RTN4: variants seen among roughly 807,000 people sequenced by gnomAD.
RTN4 encodes reticulon-4.
A neutral mutation model predicts 90.4 loss-of-function variants in RTN4; 32 were observed. That is an observed-to-expected ratio of 0.35 (90% confidence interval 0.27 to 0.48). The LOEUF (loss-of-function observed/expected upper bound fraction) is 0.48. RTN4 is among the 20% of genes least tolerant of loss of function. The probability of loss-of-function intolerance (pLI) is 0.99; values close to 1 mark genes in which losing one functional copy is unlikely to be tolerated. For synonymous variants in RTN4, 629 were observed against 552.5 expected, an observed-to-expected ratio of 1.14 and a Z score of -1.94; for missense variants, 1,706 against 1,430.2, an observed-to-expected ratio of 1.19 and a Z score of -3.11.
intron 5 of RTN4, among the ~76,000 whole-genome samples, chr2:54,981,261 T>G (rs1678098559): frequency 6.6e-6 from 1 of 151,766 alleles, no homozygotes; most frequent in Non-Finnish European, 1.5e-5. Flanking sequence ...AACTACTAGG[T>G]TATAAAGGCT....
At chr2:55,024,356 TA>T (rs1681664017) in intron 3 of RTN4, among the ~76,000 whole-genome samples, 1 of 152,226 alleles carries the variant, frequency 6.6e-6, no homozygotes, top group African/African-American at 2.4e-5. Flanking sequence ...AGCTGGACTG[TA>T]CTGCTGAAGC....
At chr2:55,010,205 A>T in intron 3 of RTN4, 1 of 1,600,228 alleles carries the variant, frequency 6.2e-7, no homozygotes. Flanking sequence ...CTACTCCCTG[A>T]GACATGAAAT....
intron 5 of RTN4, among the ~76,000 whole-genome samples, chr2:54,977,080 T>A (rs1029978474): frequency 3.9e-5 from 6 of 152,322 alleles, no homozygotes; most frequent in African/African-American, 1.4e-4. Flanking sequence ...GATGTTTCAA[T>A]TTGGGGGAAG....
intron 2 of RTN4, among the ~76,000 whole-genome samples, chr2:55,074,715 A>G (rs943268338): frequency 3.3e-5 from 5 of 152,212 alleles, no homozygotes; most frequent in African/African-American, 7.2e-5. Context: ...TGACATATCA[A>G]GAAGATAATC....
rs115008533 is a variant in RTN4, at chr2:55,100,067, T to C, written c.-214+12453A>G. Among the ~76,000 whole-genome samples, 29 of 152,298 alleles carry C rather than the reference T, an allele frequency of 1.9e-4. 1 individual carries two copies. Among genetic ancestry groups the C allele is most frequent in the Middle Eastern group, 3.4e-3 (1 of 294 alleles). On this transcript the variant is annotated intron_variant, in intron 1 of 3. Transcript: ENST00000427710. ...CATTTGTCCTACTAATCTGCTACTTTAAATGATGCAATACTTGCACATATT... is the reference window on the plus strand; with the variant it reads ...CATTTGTCCTACTAATCTGCTACTTCAAATGATGCAATACTTGCACATATT...
At chr2:55,121,242 A>T in the RTN4 span, among the ~76,000 whole-genome samples, 1 of 152,230 alleles carries the variant, frequency 6.6e-6, no homozygotes, top group East Asian at 1.9e-4. Flanking sequence ...GGGAGCTCAC[A>T]GTCTGGTAAA....
chr2:55,056,262 C>T (rs1261136914), intron 2 of RTN4, among the ~76,000 whole-genome samples: 4 of 152,154 alleles, frequency 2.6e-5, no homozygotes, highest in Admixed American at 2.6e-4. Flanking sequence ...TCCCTGCCCT[C>T]CCCTCGTGAT....
chr2:55,110,407 G>C (rs928406842), intron 1 of RTN4, among the ~76,000 whole-genome samples: 8 of 151,806 alleles, frequency 5.3e-5, no homozygotes, highest in Non-Finnish European at 1.2e-4. Context: ...TGGCCCCTGA[G>C]TACCCCTTCT....
chr2:55,112,727 AGAG>A (rs1215673868), upstream of RTN4: 1 of 152,242 alleles, frequency 6.6e-6, no homozygotes, highest in Non-Finnish European at 1.5e-5. Flanking sequence ...ATTATCTACC[AGAG>A]GAGAACTCCA....
At chr2:54,998,013 C>A (rs1679567414) in intron 3 of RTN4, among the ~76,000 whole-genome samples, 1 of 152,092 alleles carries the variant, frequency 6.6e-6, no homozygotes, top group South Asian at 2.1e-4. Flanking sequence ...AAGGGGGAAA[C>A]TACTGTACTG....
intron 1 of RTN4, among the ~76,000 whole-genome samples, chr2:55,029,672 G>A (rs1385001789): frequency 6.6e-6 from 1 of 152,116 alleles, no homozygotes; most frequent in Non-Finnish European, 1.5e-5. Context: ...ATATATTTTA[G>A]ATAAATATAT....
At chr2:55,134,248 G>T in the RTN4 span, among the ~76,000 whole-genome samples, 1 of 152,094 alleles carries the variant, frequency 6.6e-6, no homozygotes, top group African/African-American at 2.4e-5. Context: ...CCTCTTTACC[G>T]CATCCTGTTT....
rs114551121 is a variant in RTN4, at chr2:55,105,769, C to T, written c.-214+6751G>A. ...GGAGAAACACTTGTGACCAGGGATA[C>T]AAGACCAACCTGGGCAACATAGAGA... is the stretch of plus-strand genomic sequence containing the variant. On this transcript the variant is annotated intron_variant, in intron 1 of 3. Coordinates refer to the RTN4 transcript ENST00000427710. Among the ~76,000 whole-genome samples, 548 of 152,090 alleles carry T rather than the reference C, an allele frequency of 3.6e-3. 8 individuals carry two copies. Among genetic ancestry groups the T allele is most frequent in the African/African-American group, 0.012 (513 of 41,428 alleles).
chr2:55,066,193 TTGTGTGTG>T (rs57202019), intron 2 of RTN4, among the ~76,000 whole-genome samples: 7,652 of 110,974 alleles, frequency 0.069, 609 homozygotes, highest in African/African-American at 0.2. Flanking sequence ...GTGTGTGTGT[TTGTGTGTG>T]TGTGTGTGTG....
intron 3 of RTN4, among the ~76,000 whole-genome samples, chr2:54,989,094 C>T (rs1391159615): frequency 6.6e-6 from 1 of 152,166 alleles, no homozygotes; most frequent in Non-Finnish European, 1.5e-5. Context: ...TGTAACTTTC[C>T]TTTGCTCTTA....
At chr2:55,101,444 T>C (rs1667851474) in intron 1 of RTN4, among the ~76,000 whole-genome samples, 1 of 152,122 alleles carries the variant, frequency 6.6e-6, no homozygotes, top group African/African-American at 2.4e-5. Flanking sequence ...TCTGTAAAAA[T>C]TGAAGTTATT....
intron 1 of RTN4, among the ~76,000 whole-genome samples, chr2:55,038,926 CA>C (rs1682873855): frequency 6.6e-6 from 1 of 152,212 alleles, no homozygotes; most frequent in African/African-American, 2.4e-5. Context: ...TTAAAAGGAA[CA>C]AATTACTGAT....
chr2:55,094,713 G>C (rs1312671189), intron 1 of RTN4, among the ~76,000 whole-genome samples: 1 of 152,132 alleles, frequency 6.6e-6, no homozygotes, highest in Non-Finnish European at 1.5e-5. Flanking sequence ...ACAAGGAAGA[G>C]CTGACTAGGA....
chr2:55,125,638 T>C, the RTN4 span, among the ~76,000 whole-genome samples: 1 of 152,234 alleles, frequency 6.6e-6, no homozygotes, highest in East Asian at 1.9e-4. Context: ...CGGTGGCACA[T>C]GCCTGTAATT....
Sources: allele counts gnomAD v4.1 joint callset (sites outside exome capture counted in the v4.1 genomes callset), GRCh38; gene constraint gnomAD v4.1.1; transcripts MANE v1.5; gene names NCBI Gene and HGNC (gene_info 2026-07-23, HGNC 2026-07-21).